Variants in TYSND1 observed in about 807,000 individuals in gnomAD.
TYSND1 encodes peroxisomal leader peptide-processing protease.
Under a neutral mutation model 37.2 loss-of-function variants are expected in TYSND1, and 30 were observed. The ratio of observed to expected loss-of-function variants is 0.81; its 90% CI spans 0.60 to 1.09. The LOEUF (loss-of-function observed/expected upper bound fraction) is 1.09, where lower values mean the gene tolerates loss of function less well. TYSND1 is among the 50% of genes least tolerant of loss of function. TYSND1 has a pLI of 0.00. For missense variants in TYSND1, 806 were observed against 817.4 expected (o/e 0.99, Z 0.17); for synonymous variants, 364 against 383.8 (o/e 0.95, Z 0.60).
In TYSND1 at chr10:70,146,158, G is replaced by A. The variant is rs1839215926; in HGVS notation, c.429C>T (p.Phe143=). 6.4e-7 allele frequency: 1 copy of A among 1,551,422 alleles called. No individual in the cohort carries two copies. The highest frequency in any genetic ancestry group is 8.7e-7 in the Non-Finnish European group (1 of 1,151,174). ...ELLLLLSCPA[F]WAHFARLFGD... ...CGAAGAGGCGCGCGAAGTGGGCCCA[G>A]AAGGCCGGGCAGCTCAGCAGCAGCA... Residue 143 remains phenylalanine (F), a synonymous_variant, in exon 1 of 4, where the codon TTC becomes TTT. Coordinates refer to ENST00000287078, the MANE Select transcript of TYSND1 (RefSeq NM_173555.4).
chr10:70,145,040 G>A (rs148746344), intron 1 of TYSND1, among the ~76,000 whole-genome samples: 129 of 152,258 alleles, frequency 8.5e-4, no homozygotes, highest in Non-Finnish European at 1.7e-3. Flanking sequence ...ATCACTTTCA[G>A]AGGAGAAGCA....
chr10:70,142,657 G>T lies in TYSND1; in HGVS notation c.1483+11C>A. On this transcript the variant is annotated intron_variant, in intron 3 of 3. Transcript: ENST00000287078. ...AGTGGGAGGGCGGGAGGGGGCCAAA[G>T]AGCTGGTTACCAAGGAGGTTTCCTG... is the stretch of plus-strand genomic sequence containing the variant. The T allele has an allele frequency of 6.4e-7, 1 of 1,552,508 alleles. No homozygotes were observed. The highest frequency in any genetic ancestry group is 1.2e-5 in the South Asian group (1 of 84,694).
At position 70,145,424 on chromosome 10, in the gene TYSND1, G is replaced by C; in HGVS notation, c.1163C>G (p.Pro388Arg). The change falls in exon 1 of 4, where the codon CCC becomes CGC. Residue 388 changes from proline (P) to arginine (R), a missense_variant. By Grantham distance (103) the Pro-to-Arg change is moderately radical (BLOSUM62 -2). Coordinates refer to ENST00000287078, the MANE Select transcript of TYSND1 (RefSeq NM_173555.4). Reference sequence around the variant, plus strand: ...GGCGTCAGCCCTGCGGGCTTACTTGGGGGTGGTGGAGCGCACCAGGACCCT... The same window carrying C: ...GGCGTCAGCCCTGCGGGCTTACTTGCGGGTGGTGGAGCGCACCAGGACCCT... ...AARVLVRSTT[P>R]KSVAIWGRVV... 7.0e-7 allele frequency: 1 copy of C among 1,431,326 alleles called. No individual in the cohort carries two copies. Among genetic ancestry groups the C allele is most frequent in the Non-Finnish European group, 9.2e-7 (1 of 1,091,364 alleles). The allele number at this position is 1,431,326 out of a possible 1,614,324, so 88.7% of individuals were successfully genotyped here.
chr10:70,144,061 C>T, intron 1 of TYSND1, 89 bp from the exon 2 acceptor site: 1 of 1,551,914 alleles, frequency 6.4e-7, no homozygotes, highest in East Asian at 2.3e-5. Context: ...CAGTAAAAGT[C>T]AGAAGATCTG....
rs1361402857 is a variant in TYSND1 at position 70,139,898 on chromosome 10, T to A, written c.*26A>T. ...TTCCTACAGCAGAAAAAGGTCACTC[T>A]TCTTTCCAAAGGTGGTAACACAGCC... On this transcript the variant is annotated 3_prime_UTR_variant, in exon 4 of 4. Coordinates refer to ENST00000287078, the MANE Select transcript of TYSND1 (RefSeq NM_173555.4). The A allele has an allele frequency of 3.8e-6, 6 of 1,598,832 alleles. No homozygotes were observed. Among genetic ancestry groups the A allele is most frequent in the Non-Finnish European group, 3.4e-6 (4 of 1,170,836 alleles).
Position 70,144,717 on chromosome 10 carries a change from C to T in TYSND1, c.1166+704G>A, listed in dbSNP as rs967212222. The T allele has an allele frequency of 7.1e-6, 7 of 985,504 alleles. No individual in the cohort carries two copies. The African/African-American group carries it at 1.2e-4, about 17-fold the overall frequency. The allele number at this position is 985,504 out of a possible 1,614,324, so 61.0% of individuals were successfully genotyped here. A position where few individuals can be genotyped will look rare whatever the true frequency, so the allele number is the denominator to read the frequency against. ...GTGGGGGCCACACACCATAGGCAAACCTTCATCATCAGTCTTCCCTATAAA... is the reference window on the plus strand; with the variant it reads ...GTGGGGGCCACACACCATAGGCAAATCTTCATCATCAGTCTTCCCTATAAA... On this transcript the variant is annotated intron_variant, in intron 1 of 3. Transcript: ENST00000287078.
intron 3 of TYSND1, among the ~76,000 whole-genome samples, chr10:70,142,063 GA>G (rs1236354877): frequency 1.3e-5 from 2 of 152,166 alleles, no homozygotes; most frequent in Non-Finnish European, 2.9e-5. Flanking sequence ...AAGAAACAAG[GA>G]GAGTTAGACT....
In TYSND1 at chr10:70,145,519, C is replaced by A; in HGVS notation, c.1068G>T (p.Trp356Cys). Reference protein sequence around the residue: ...AAVLVECGTVWGSGVAVAPRL... With the variant: ...AAVLVECGTVCGSGVAVAPRL... ...GGGGTGCCACAGCCACTCCGGAGCC[C>A]CATACGGTGCCGCACTCCACCAACA... Residue 356 changes from tryptophan to cysteine, a missense_variant, in exon 1 of 4, where the codon TGG becomes TGT. Physicochemically the swap from Trp to Cys is radical, Grantham distance 215 (BLOSUM62 -2). Around this residue, in one of 3 missense-constraint regions of TYSND1, gnomAD observed 708 missense variants for 705.4 expected, o/e 1.00. Coordinates refer to ENST00000287078, the MANE Select transcript of TYSND1 (RefSeq NM_173555.4). 6.6e-7 allele frequency: 1 copy of A among 1,526,390 alleles called. No homozygotes were observed. The highest frequency in any genetic ancestry group is 2.7e-5 in the East Asian group (1 of 37,626). The allele number at this position is 1,526,390 out of a possible 1,614,324, so 94.6% of individuals were successfully genotyped here.
chr10:70,144,850 G>A (rs2072852141), intron 1 of TYSND1: 1 of 945,180 alleles, frequency 1.1e-6, no homozygotes, highest in Non-Finnish European at 1.3e-6. Context: ...GGAAAAGCCT[G>A]GGCTGCAAGG....
Position 70,139,703 on chromosome 10 carries a change from A to C in TYSND1, c.*221T>G, listed in dbSNP as rs922312453. On this transcript the variant is annotated 3_prime_UTR_variant, in exon 4 of 4. Transcript: ENST00000287078. ...CTAGGGGACAGAGAACTGGGGGCTC[A>C]AGAAAGCACCCCAAAACGGGCTGCC... The C allele has an allele frequency of 1.8e-6, 1 of 542,248 alleles. No homozygotes were observed. Among genetic ancestry groups the C allele is most frequent in the African/African-American group, 1.9e-5 (1 of 52,254 alleles). The allele number at this position is 542,248 out of a possible 1,614,324, so 33.6% of individuals were successfully genotyped here. A position where few individuals can be genotyped will look rare whatever the true frequency, so the allele number is the denominator to read the frequency against.
In TYSND1 at chr10:70,146,365, G is replaced by C. The variant is rs1448492873; in HGVS notation, c.222C>G (p.Gly74=). 1 of 1,557,348 alleles carries C rather than the reference G, an allele frequency of 6.4e-7. No individual in the cohort carries two copies. The highest frequency in any genetic ancestry group is 1.4e-5 in the African/African-American group (1 of 74,060). The change falls in exon 1 of 4, where the codon GGC becomes GGG. Residue 74 remains glycine, a synonymous_variant. Coordinates refer to ENST00000287078, the MANE Select transcript of TYSND1 (RefSeq NM_173555.4). ...GGCGCAGGTCGTCCCTGCAACTGTC[G>C]CCAGGCAGGAAGACGGCGCCGGCCG... ...LTAAGAVFLP[G]DSCRDDLRLH... is the part of the protein sequence containing the mutation.
intron 1 of TYSND1, chr10:70,144,673 G>C: frequency 2.0e-6 from 2 of 985,974 alleles, no homozygotes; most frequent in Non-Finnish European, 2.4e-6. Context: ...GGGCATGTGG[G>C]GGGAGTGGAA....
chr10:70,144,104 C>T (rs2072834940), intron 1 of TYSND1, 132 bp from the exon 2 acceptor site: 7 of 1,144,852 alleles, frequency 6.1e-6, no homozygotes, highest in Non-Finnish European at 8.6e-6. Flanking sequence ...GCAGGCAACT[C>T]TGGGCAAGTC....
chr10:70,143,996 C>T (rs1490865075), intron 1 of TYSND1, 24 bp from the exon 2 acceptor site: 1 of 1,613,628 alleles, frequency 6.2e-7, no homozygotes, highest in African/African-American at 1.3e-5. Flanking sequence ...AAACAAATGA[C>T]AGGCTAGCTT....
chr10:70,143,911 CTA>C lies in TYSND1; in HGVS notation c.1226_1227del (p.Ile409SerfsTer11). On this transcript the variant is annotated frameshift_variant, in exon 2 of 4. Transcript: ENST00000287078. LOFTEE classifies it high-confidence loss of function. ...AGGTCCTCCTCCAGGCTCACCACTG[CTA>C]TGTCATAGGGACATGTCTCCTGAGT... ...FATQETCPYD[I>X]AVVSLEEDLD... The C allele has an allele frequency of 6.2e-7, 1 of 1,614,212 alleles. No homozygotes were observed. The highest frequency in any genetic ancestry group is 1.1e-5 in the South Asian group (1 of 91,076).
rs372836602 is a variant in TYSND1, at chr10:70,142,552, T to C, written c.1483+116A>G. ...CTGCAAACCTTCGCTAGCTCACTCA[T>C]AATGCCCACCATTTTCCCAGACAGA... On this transcript the variant is annotated intron_variant, in intron 3 of 3. Transcript: ENST00000287078. The C allele has an allele frequency of 1.4e-5, 14 of 1,011,892 alleles. No individual in the cohort carries two copies. In the East Asian group the frequency reaches 3.2e-4, roughly 23 times the overall value. The allele number at this position is 1,011,892 out of a possible 1,614,324, so 62.7% of individuals were successfully genotyped here.
chr10:70,144,209 G>A (rs1303761533), intron 1 of TYSND1: 2 of 537,314 alleles, frequency 3.7e-6, no homozygotes, highest in East Asian at 3.7e-5. Flanking sequence ...GACACTTAGT[G>A]AGCACTGTGG....
chr10:70,141,265 C>T (rs1397704210), intron 3 of TYSND1, among the ~76,000 whole-genome samples: 3 of 127,716 alleles, frequency 2.3e-5, no homozygotes, highest in Admixed American at 1.6e-4. Context: ...TTTAAATAAA[C>T]ACTGTTTATT....
At position 70,146,444 on chromosome 10, in the gene TYSND1, C is replaced by G; in HGVS notation, c.143G>C (p.Cys48Ser). ...ILSRSPGLVL[C>S]HGGIFVPFLR... ...GAAGGGGACGAAGATGCCCCCGTGG[C>G]AAAGCACCAGGCCCGGGCTACGGCT... Residue 48 changes from cysteine (C) to serine (S), a missense_variant, in exon 1 of 4, where the codon TGC (cysteine) becomes TCC (serine). Physicochemically the swap from Cys to Ser is moderately radical, Grantham distance 112. Coordinates refer to ENST00000287078, the MANE Select transcript of TYSND1 (RefSeq NM_173555.4). 1 of 1,603,776 alleles carries G rather than the reference C, an allele frequency of 6.2e-7. No individual in the cohort carries two copies. Among genetic ancestry groups the G allele is most frequent in the Non-Finnish European group, 8.5e-7 (1 of 1,178,692 alleles).
Sources: gnomAD v4.1 joint callset for allele counts (sites outside exome capture counted in the v4.1 genomes callset) on GRCh38, gnomAD v4.1.1 for gene constraint, gnomAD v4.1.1 regional missense constraint, MANE v1.5 for transcripts, NCBI Gene and HGNC (gene_info 2026-07-23, HGNC 2026-07-21) for gene names.